NALF1: variants seen among roughly 807,000 people sequenced by gnomAD.
The protein encoded by NALF1 is family with sequence similarity 155 member A.
NALF1 carries 3 observed loss-of-function variants against 48.4 expected under a neutral mutation model. That is an observed-to-expected ratio of 0.06 (90% CI 0.03 to 0.16). The LOEUF (loss-of-function observed/expected upper bound fraction) is 0.16, where lower values mean the gene tolerates loss of function less well. Ranked by LOEUF, NALF1 falls within the 10% of genes least tolerant of loss-of-function variation. The pLI, the probability that NALF1 is intolerant of heterozygous loss-of-function variation, is 1.00. For synonymous variants in NALF1, 262 were observed against 245.7 expected, an observed-to-expected ratio of 1.07 and a Z score of -0.62; for missense variants, 526 against 571.5, an observed-to-expected ratio of 0.92 and a Z score of 0.81.
intron 1 of NALF1, among the ~76,000 whole-genome samples, chr13:107,484,933 T>G (rs1885304483): frequency 6.6e-6 from 1 of 152,098 alleles, no homozygotes; most frequent in Non-Finnish European, 1.5e-5. Context: ...TTTTGCAGAG[T>G]ATTTGTCTTT....
chr13:107,213,632 A>G (rs1879813142), intron 1 of NALF1, among the ~76,000 whole-genome samples: 1 of 152,234 alleles, frequency 6.6e-6, no homozygotes, highest in Non-Finnish European at 1.5e-5. Flanking sequence ...ACATAACTAA[A>G]GTCTTTATCT....
At chr13:107,403,188 C>CTTT (rs10710356) in intron 1 of NALF1, among the ~76,000 whole-genome samples, 13 of 42,484 alleles carry the variant, frequency 3.1e-4, no homozygotes, top group East Asian at 9.2e-4. Context: ...CTTGTTCGGG[C>CTTT]TTTTTTTTTT....
chr13:107,297,726 T>A (rs374534850), intron 1 of NALF1, among the ~76,000 whole-genome samples: 7 of 152,332 alleles, frequency 4.6e-5, no homozygotes, highest in African/African-American at 1.7e-4. Flanking sequence ...TCTACCTTAA[T>A]AATCAGGCTT....
At chr13:107,458,211 C>T (rs1003845767) in intron 1 of NALF1, among the ~76,000 whole-genome samples, 1 of 152,100 alleles carries the variant, frequency 6.6e-6, no homozygotes, top group Non-Finnish European at 1.5e-5. Flanking sequence ...GAAGGAAAAA[C>T]GTAGACACCT....
chr13:107,824,807 G>GACT (rs1258773079), intron 1 of NALF1, among the ~76,000 whole-genome samples: 4 of 152,210 alleles, frequency 2.6e-5, no homozygotes, highest in Non-Finnish European at 4.4e-5. Flanking sequence ...AGTGAGTATG[G>GACT]ACTGGGCTCT....
chr13:107,811,398 G>C (rs1344501936), intron 1 of NALF1, among the ~76,000 whole-genome samples: 1 of 152,146 alleles, frequency 6.6e-6, no homozygotes, highest in Non-Finnish European at 1.5e-5. Context: ...CTTTGACTCT[G>C]ATTATGTGCC....
Position 107,164,754 on chromosome 13 carries a change from T to C in NALF1, c.*5743A>G, listed in dbSNP as rs1025012424. 6.6e-6 allele frequency: 1 copy of C among 152,102 alleles called. No homozygotes were observed. Among genetic ancestry groups the C allele is most frequent in the African/African-American group, 2.4e-5 (1 of 41,404 alleles). 9.4% of individuals were successfully genotyped at this position (152,102 alleles called of 1,614,324 possible). A position where few individuals can be genotyped will look rare whatever the true frequency, so the allele number is the denominator to read the frequency against. Reference sequence around the variant, plus strand: ...ACTTTCAAACTGTATTGAAAATCTATTGATGGTCAGTCTGCTAGCTTAAGG... The same window carrying C: ...ACTTTCAAACTGTATTGAAAATCTACTGATGGTCAGTCTGCTAGCTTAAGG... On this transcript the variant is annotated 3_prime_UTR_variant, in exon 3 of 3. Transcript: ENST00000375915.
intron 1 of NALF1, among the ~76,000 whole-genome samples, chr13:107,330,400 T>C (rs1882446965): frequency 6.6e-6 from 1 of 152,232 alleles, no homozygotes; most frequent in Non-Finnish European, 1.5e-5. Flanking sequence ...CGATCTGTAT[T>C]CCTGGTCTTA....
chr13:107,670,255 G>T (rs574643298), intron 1 of NALF1, among the ~76,000 whole-genome samples: 1 of 151,814 alleles, frequency 6.6e-6, no homozygotes, highest in Non-Finnish European at 1.5e-5. Context: ...TAGTCCTACC[G>T]GTAAAACTGT....
intron 1 of NALF1, among the ~76,000 whole-genome samples, chr13:107,283,617 ATTATTTATTTAT>A (rs71121515): frequency 0.21 from 30,233 of 145,396 alleles, 3,691 homozygotes; most frequent in Non-Finnish European, 0.27. Flanking sequence ...GCGGATCTTC[ATTATTTATTTAT>A]TTATTTATTT....
At chr13:107,578,117 T>A (rs1043131306) in intron 1 of NALF1, among the ~76,000 whole-genome samples, 1 of 152,188 alleles carries the variant, frequency 6.6e-6, no homozygotes, top group African/African-American at 2.4e-5. Flanking sequence ...GTGTATCCAA[T>A]CTCCAGTCAC....
At chr13:107,763,655 A>C (rs1433121280) in intron 1 of NALF1, among the ~76,000 whole-genome samples, 7 of 152,144 alleles carry the variant, frequency 4.6e-5, no homozygotes, top group African/African-American at 1.4e-4. Flanking sequence ...TAAACCTGAA[A>C]ATAGCTGATG....
intron 1 of NALF1, among the ~76,000 whole-genome samples, chr13:107,629,110 T>C (rs1044415447): frequency 6.6e-6 from 1 of 152,178 alleles, no homozygotes; most frequent in African/African-American, 2.4e-5. Context: ...ATAAGACTAA[T>C]GTGCACTAAA....
chr13:107,614,465 C>T (rs993763145), intron 1 of NALF1, among the ~76,000 whole-genome samples: 22 of 152,138 alleles, frequency 1.4e-4, no homozygotes, highest in African/African-American at 5.3e-4. Flanking sequence ...ACCTAAACCT[C>T]CACCCACATT....
chr13:107,627,967 C>A (rs1879724997), intron 1 of NALF1, among the ~76,000 whole-genome samples: 1 of 152,048 alleles, frequency 6.6e-6, no homozygotes, highest in African/African-American at 2.4e-5. Flanking sequence ...AGTAATTCTA[C>A]TTTCATTTAC....
intron 1 of NALF1, among the ~76,000 whole-genome samples, chr13:107,398,119 T>C (rs1400000133): frequency 1.3e-5 from 2 of 152,122 alleles, no homozygotes; most frequent in African/African-American, 4.8e-5. Flanking sequence ...CACATTTCAT[T>C]ATAAAGGGCA....
rs542237506 is a variant in NALF1 at position 107,398,052 on chromosome 13, A to G, written c.916-187297T>C. ...TCCAGAAGCAGATTAATAATAAGCAATTCATACTTCATCCTCATTGTCCTT... is the reference window on the plus strand; with the variant it reads ...TCCAGAAGCAGATTAATAATAAGCAGTTCATACTTCATCCTCATTGTCCTT... On this transcript the variant is annotated intron_variant, in intron 1 of 2. Transcript: ENST00000375915. Among the ~76,000 whole-genome samples the G allele has an allele frequency of 1.1e-4, 17 of 152,250 alleles. No homozygotes were observed. The South Asian group carries it at 3.5e-3, about 32-fold the overall frequency.
At chr13:107,415,114 A>G (rs1300834750) in intron 1 of NALF1, among the ~76,000 whole-genome samples, 2 of 152,218 alleles carry the variant, frequency 1.3e-5, no homozygotes, top group East Asian at 3.9e-4. Context: ...AGGACATTTT[A>G]CTAAGTATAA....
At chr13:107,860,149 G>A (rs1477521652) in intron 1 of NALF1, among the ~76,000 whole-genome samples, 1 of 151,894 alleles carries the variant, frequency 6.6e-6, no homozygotes, top group Non-Finnish European at 1.5e-5. Flanking sequence ...CAAAACTCTG[G>A]CCCTCCACAC....
Sources: gnomAD v4.1 joint callset for allele counts (sites outside exome capture counted in the v4.1 genomes callset) on GRCh38, gnomAD v4.1.1 for gene constraint, MANE v1.5 for transcripts, NCBI Gene and HGNC (gene_info 2026-07-23, HGNC 2026-07-21) for gene names.